Variants in STN1 observed in about 807,000 individuals in gnomAD.
STN1 encodes CST complex subunit STN1.
STN1 carries 29 observed loss-of-function variants against 45.5 expected under a neutral mutation model. That is an observed-to-expected ratio of 0.64 (90% CI 0.47 to 0.87). The LOEUF is 0.87. Among genes scored for constraint, STN1 ranks in the 40% least tolerant of loss-of-function variants. The pLI, the probability that STN1 is intolerant of heterozygous loss-of-function variation, is 0.00. For synonymous variants in STN1, 148 were observed against 159.0 expected (o/e 0.93, Z 0.52); for missense variants, 376 against 441.4 (o/e 0.85, Z 1.33).
In STN1 at chr10:103,878,986, G is replaced by T. The variant is rs1430675862; in HGVS notation, c.*3698C>A. 1 of 152,338 alleles carries T rather than the reference G, an allele frequency of 6.6e-6. No homozygotes were observed. Among genetic ancestry groups the T allele is most frequent in the Non-Finnish European group, 1.5e-5 (1 of 68,122 alleles). 9.4% of individuals were successfully genotyped at this position (152,338 alleles called of 1,614,324 possible). A position where few individuals can be genotyped will look rare whatever the true frequency, so the allele number is the denominator to read the frequency against. On this transcript the variant is annotated 3_prime_UTR_variant, in exon 10 of 10. Coordinates refer to ENST00000224950, the MANE Select transcript of STN1 (RefSeq NM_024928.5). Reference sequence around the variant, plus strand: ...CTGTGGAAAAGAGTATGGAACGTGTGCCTCAGCAATGCTTACCTGAGGGCG... The same window carrying T: ...CTGTGGAAAAGAGTATGGAACGTGTTCCTCAGCAATGCTTACCTGAGGGCG...
chr10:103,913,877 A>T (rs1250911164), intron 2 of STN1, among the ~76,000 whole-genome samples: 1 of 151,998 alleles, frequency 6.6e-6, no homozygotes, highest in Admixed American at 6.6e-5. Context: ...GCCTAAAAGC[A>T]TCAGAGGACC....
intron 1 of STN1, 128 bp from the exon 2 acceptor site, chr10:103,917,784 C>A: frequency 1.8e-6 from 1 of 553,420 alleles, no homozygotes; most frequent in East Asian, 3.1e-5. Flanking sequence ...AGGGCCCTGT[C>A]AAACTCCATG....
intron 2 of STN1, among the ~76,000 whole-genome samples, chr10:103,916,875 A>T (rs1176259163): frequency 6.6e-6 from 1 of 152,162 alleles, no homozygotes; most frequent in African/African-American, 2.4e-5. Context: ...GGCCCACTAT[A>T]TGCCAGGCAC....
At chr10:103,907,871 G>A (rs1242337601) in intron 3 of STN1, among the ~76,000 whole-genome samples, 1 of 152,064 alleles carries the variant, frequency 6.6e-6, no homozygotes, top group Non-Finnish European at 1.5e-5. Context: ...GCTCACGCCT[G>A]TAATCTCAGC....
chr10:103,904,176 A>G (rs1450845738), intron 4 of STN1, among the ~76,000 whole-genome samples: 1 of 152,204 alleles, frequency 6.6e-6, no homozygotes, highest in Non-Finnish European at 1.5e-5. Flanking sequence ...TGTTTACTGA[A>G]TAACCCCACT....
intron 7 of STN1, among the ~76,000 whole-genome samples, chr10:103,894,473 A>T (rs552468902): frequency 7.2e-4 from 109 of 152,282 alleles, no homozygotes; most frequent in Middle Eastern, 3.4e-3. Context: ...GTAAATATAA[A>T]CAATACTTGA....
chr10:103,882,171 C>T lies in STN1; in HGVS notation c.*513G>A, dbSNP rs1367650835. Among the ~76,000 whole-genome samples, 2 of 120,796 alleles carry T rather than the reference C, an allele frequency of 1.7e-5. No individual in the cohort carries two copies. The highest frequency in any genetic ancestry group is 5.4e-5 in the African/African-American group (2 of 37,092). 79.2% of individuals were successfully genotyped at this position (120,796 alleles called of 152,430 possible). Reference sequence around the variant, plus strand: ...ACTGCTGGTAACTGAGCCACAGAAACTGTAAGCACTCATCCAGGGAGAACT... The same window carrying T: ...ACTGCTGGTAACTGAGCCACAGAAATTGTAAGCACTCATCCAGGGAGAACT... On this transcript the variant is annotated 3_prime_UTR_variant, in exon 10 of 10. Coordinates refer to ENST00000224950, the MANE Select transcript of STN1 (RefSeq NM_024928.5).
intron 7 of STN1, among the ~76,000 whole-genome samples, chr10:103,894,732 C>T (rs1400366926): frequency 6.6e-6 from 1 of 151,062 alleles, no homozygotes; most frequent in Non-Finnish European, 1.5e-5. Flanking sequence ...AAAACAGTCA[C>T]TAGCTAAACG....
At chr10:103,889,022 G>T (rs745390387) in intron 9 of STN1, 50 bp downstream of exon 9, 1 of 1,299,786 alleles carries the variant, frequency 7.7e-7, no homozygotes, top group Non-Finnish European at 1.1e-6. Flanking sequence ...CCGGGAGACA[G>T]TATCCCCTTC....
intron 9 of STN1, among the ~76,000 whole-genome samples, chr10:103,885,685 T>A (rs1019078151): frequency 3.3e-5 from 5 of 152,198 alleles, no homozygotes; most frequent in African/African-American, 4.8e-5. Flanking sequence ...CCACTGTGCC[T>A]GGCCTTAGAT....
At chr10:103,900,708 TCTCTCA>T (rs772377795) in intron 4 of STN1, among the ~76,000 whole-genome samples, 1 of 147,966 alleles carries the variant, frequency 6.8e-6, no homozygotes, top group Non-Finnish European at 1.5e-5. Context: ...TCTCTCTCTC[TCTCTCA>T]CACACACACA....
intron 4 of STN1, among the ~76,000 whole-genome samples, chr10:103,902,491 T>C (rs1843216081): frequency 6.6e-6 from 1 of 152,222 alleles, no homozygotes; most frequent in African/African-American, 2.4e-5. Flanking sequence ...TCAAGCTGTG[T>C]AATTAAATGA....
chr10:103,903,934 C>T (rs1843225188), intron 4 of STN1, among the ~76,000 whole-genome samples: 1 of 152,090 alleles, frequency 6.6e-6, no homozygotes, highest in South Asian at 2.1e-4. Context: ...TAGATGTTCC[C>T]AAATTAGGAA....
intron 4 of STN1, among the ~76,000 whole-genome samples, chr10:103,902,803 T>A (rs1449497669): frequency 6.6e-6 from 1 of 152,176 alleles, no homozygotes; most frequent in African/African-American, 2.4e-5. Context: ...AAGGAGAGAA[T>A]GGGCTAGTTG....
intron 8 of STN1, 34 bp downstream of exon 8, chr10:103,892,096 A>G: frequency 6.6e-7 from 1 of 1,521,010 alleles, no homozygotes; most frequent in Admixed American, 2.2e-5. Context: ...AATTGAAGCT[A>G]CAAAGAAAAA....
At chr10:103,903,009 A>ATTAT (rs1213957323) in intron 4 of STN1, among the ~76,000 whole-genome samples, 3 of 152,348 alleles carry the variant, frequency 2.0e-5, no homozygotes, top group Admixed American at 1.3e-4. Context: ...AAGTATAAGA[A>ATTAT]TTATATATTC....
In STN1 at chr10:103,897,486, C is replaced by T. The variant is rs1475234767; in HGVS notation, c.753+62G>A. On this transcript the variant is annotated intron_variant, in intron 7 of 9. Coordinates refer to ENST00000224950, the MANE Select transcript of STN1 (RefSeq NM_024928.5). ...TTCATGCCACAGTCACTTTCACCCA[C>T]ACCTGCAGTTGCAGATCTGGGGCAG... 5 of 1,411,082 alleles carry T rather than the reference C, an allele frequency of 3.5e-6. No individual in the cohort carries two copies. The African/African-American group carries it at 5.6e-5, about 16-fold the overall frequency. The allele number at this position is 1,411,082 out of a possible 1,614,324, so 87.4% of individuals were successfully genotyped here.
In STN1 at chr10:103,909,464, A is replaced by G. The variant is rs1399636567; in HGVS notation, c.229+1063T>C. On this transcript the variant is annotated intron_variant, in intron 3 of 9. Transcript: ENST00000224950. The stretch of plus-strand genomic sequence containing the variant: ...TATATGTATATATGTATATATGTAT[A>G]TATATGTATATATGTATATATATGT... 4.0e-4 allele frequency among the ~76,000 whole-genome samples: 44 copies of G among 110,880 alleles called. 4 individuals carry two copies. The highest frequency in any genetic ancestry group is 6.2e-4 in the Non-Finnish European group (35 of 56,552). The allele number at this position is 110,880 out of a possible 152,430, so 72.7% of individuals were successfully genotyped here.
intron 7 of STN1, 107 bp downstream of exon 7, chr10:103,897,441 C>T (rs1343192553): frequency 1.0e-6 from 1 of 999,244 alleles, no homozygotes; most frequent in Admixed American, 2.0e-5. Flanking sequence ...CCTCCGTTCC[C>T]TGGGTCAACT....
Sources: allele counts gnomAD v4.1 joint callset (sites outside exome capture counted in the v4.1 genomes callset), GRCh38; gene constraint gnomAD v4.1.1; transcripts MANE v1.5; gene names NCBI Gene and HGNC (gene_info 2026-07-23, HGNC 2026-07-21).